Variants in LDB2 observed in about 807,000 individuals in gnomAD.
LDB2 encodes the protein LIM domain binding 2.
In LDB2, 12 loss-of-function variants were observed where a neutral mutation model predicts 44.3. That is an observed-to-expected ratio of 0.27 (90% CI 0.17 to 0.44). LDB2 has a LOEUF of 0.44. LDB2 is among the 20% of genes least tolerant of loss of function. LDB2 has a pLI of 1.00. For synonymous variants in LDB2, 164 were observed against 174.8 expected, an observed-to-expected ratio of 0.94 and a Z score of 0.49; for missense variants, 344 against 473.5, an observed-to-expected ratio of 0.73 and a Z score of 2.54.
intron 1 of LDB2, among the ~76,000 whole-genome samples, chr4:16,870,959 G>C (rs940162776): frequency 2.6e-4 from 40 of 152,266 alleles, no homozygotes; most frequent in African/African-American, 9.6e-4. Context: ...AACCCAAAAA[G>C]CCTATCTCTG....
At chr4:16,531,286 T>C (rs528817016) in intron 5 of LDB2, among the ~76,000 whole-genome samples, 3 of 152,366 alleles carry the variant, frequency 2.0e-5, no homozygotes, top group Admixed American at 2.0e-4. Flanking sequence ...CTCAGGCCAC[T>C]TTGGGCTGTC....
intron 2 of LDB2, among the ~76,000 whole-genome samples, chr4:16,667,867 C>CCATGG (rs1743718686): frequency 6.6e-6 from 1 of 152,180 alleles, no homozygotes; most frequent in Non-Finnish European, 1.5e-5. Context: ...TTATGGAAGG[C>CCATGG]CATGGCATGG....
intron 2 of LDB2, among the ~76,000 whole-genome samples, chr4:16,615,166 T>C (rs1726917784): frequency 6.6e-6 from 1 of 150,630 alleles, no homozygotes; most frequent in Non-Finnish European, 1.5e-5. Context: ...GGAGCGTAAA[T>C]TAGTTCAACC....
intron 1 of LDB2, among the ~76,000 whole-genome samples, chr4:16,763,090 C>G (rs1039098296): frequency 6.6e-6 from 1 of 151,184 alleles, no homozygotes; most frequent in East Asian, 2.0e-4. Context: ...CACACACACA[C>G]ACACACACAC....
intron 5 of LDB2, among the ~76,000 whole-genome samples, chr4:16,553,964 C>T (rs1487083212): frequency 6.6e-6 from 1 of 152,108 alleles, no homozygotes; most frequent in Admixed American, 6.5e-5. Context: ...GGATATGACA[C>T]CACCACTAGA....
At position 16,794,709 on chromosome 4, in the gene LDB2, T is replaced by C. The variant is rs184523255; in HGVS notation, c.133-35449A>G. Among the ~76,000 whole-genome samples, 6 of 152,350 alleles carry C rather than the reference T, an allele frequency of 3.9e-5. No individual in the cohort carries two copies. The East Asian group carries it at 1.2e-3, about 29-fold the overall frequency. On this transcript the variant is annotated intron_variant, in intron 1 of 7. Transcript: ENST00000304523. ...TTCAATGATGTTACCTATTATTAGG[T>C]TGATGCTTATGAACACTCAACCATT...
chr4:16,585,826 C>G, intron 5 of LDB2, 96 bp downstream of exon 5: 1 of 841,102 alleles, frequency 1.2e-6, no homozygotes, highest in East Asian at 2.5e-5. Flanking sequence ...GCTATATCAC[C>G]AGTACCTCAT....
Position 16,733,353 on chromosome 4 carries a change from G to GA in LDB2, c.235+25804dup, listed in dbSNP as rs75067360. On this transcript the variant is annotated intron_variant, in intron 2 of 7. Coordinates refer to ENST00000304523, the MANE Select transcript of LDB2 (RefSeq NM_001290.5). ...CAGATACCCAATGATTAAGAATTTG[G>GA]AAAAAAAAAAAAAGTTGGGGGGCTC... Among the ~76,000 whole-genome samples the GA allele has an allele frequency of 7.8e-3, 1,140 of 145,746 alleles. 13 individuals are homozygous for GA. Among genetic ancestry groups the GA allele is most frequent in the African/African-American group, 0.025 (966 of 39,408 alleles).
rs201798538 is a variant in LDB2, at chr4:16,754,286, GC to G, written c.235+4871del. On this transcript the variant is annotated intron_variant, in intron 2 of 7. Coordinates refer to ENST00000304523, the MANE Select transcript of LDB2 (RefSeq NM_001290.5). The stretch of plus-strand genomic sequence containing the variant: ...TCAGTCCTGCATTTCAGCAGGAACT[GC>G]CCATTAAAAAGGTCATATGGACTCC... 8.7e-3 allele frequency among the ~76,000 whole-genome samples: 1,319 copies of G among 152,256 alleles called. 10 individuals carry two copies. Among genetic ancestry groups the G allele is most frequent in the Non-Finnish European group, 0.015 (1,054 of 68,030 alleles).
chr4:16,767,564 G>A (rs941393148), intron 1 of LDB2, among the ~76,000 whole-genome samples: 14 of 152,160 alleles, frequency 9.2e-5, no homozygotes, highest in Non-Finnish European at 1.8e-4. Context: ...TTTAGTATCT[G>A]AACTGTGTGT....
chr4:16,730,584 C>T (rs1300559022), intron 2 of LDB2, among the ~76,000 whole-genome samples: 1 of 152,214 alleles, frequency 6.6e-6, no homozygotes, highest in East Asian at 1.9e-4. Flanking sequence ...CCCCCAATCT[C>T]TATAAGGTGG....
At chr4:16,760,405 C>T (rs1171748266) in intron 1 of LDB2, among the ~76,000 whole-genome samples, 6 of 152,276 alleles carry the variant, frequency 3.9e-5, no homozygotes, top group Admixed American at 2.0e-4. Context: ...AAGATTGATG[C>T]CGTCCTCTCC....
At chr4:16,515,940 C>T (rs1330463331) in intron 5 of LDB2, among the ~76,000 whole-genome samples, 1 of 151,844 alleles carries the variant, frequency 6.6e-6, no homozygotes, top group South Asian at 2.1e-4. Context: ...CTTGGCTCAC[C>T]GCAAGCTCTG....
At chr4:16,610,729 C>T (rs1212033780) in intron 2 of LDB2, among the ~76,000 whole-genome samples, 2 of 151,988 alleles carry the variant, frequency 1.3e-5, no homozygotes, top group Non-Finnish European at 2.9e-5. Context: ...AAGACCGAAC[C>T]TACGATTGAC....
At chr4:16,894,188 G>C (rs1334545553) in intron 1 of LDB2, among the ~76,000 whole-genome samples, 2 of 152,020 alleles carry the variant, frequency 1.3e-5, no homozygotes, top group Non-Finnish European at 2.9e-5. Context: ...CTATATAATT[G>C]TGCGGTTGTA....
chr4:16,604,083 C>T (rs1578147589), intron 2 of LDB2, among the ~76,000 whole-genome samples: 1 of 152,110 alleles, frequency 6.6e-6, no homozygotes, highest in African/African-American at 2.4e-5. Flanking sequence ...GAACTCCTGG[C>T]CTCAGTAGAT....
intron 6 of LDB2, 179 bp downstream of exon 6, chr4:16,511,802 A>T (rs777990076): frequency 6.4e-6 from 4 of 626,968 alleles, no homozygotes; most frequent in Non-Finnish European, 1.0e-5. Flanking sequence ...GATAATTCTT[A>T]AGGATGTTTG....
intron 2 of LDB2, among the ~76,000 whole-genome samples, chr4:16,643,574 T>G (rs1735818605): frequency 6.6e-6 from 1 of 152,184 alleles, no homozygotes; most frequent in Admixed American, 6.5e-5. Context: ...GGCAAATTAT[T>G]CTCAAAATAA....
intron 2 of LDB2, among the ~76,000 whole-genome samples, chr4:16,659,221 G>A (rs1740769603): frequency 6.6e-6 from 1 of 152,124 alleles, no homozygotes; most frequent in Admixed American, 6.5e-5. Flanking sequence ...GGCCTGAGAT[G>A]TACTTGGCAG....
Sources: gnomAD v4.1 joint callset for allele counts (sites outside exome capture counted in the v4.1 genomes callset) on GRCh38, gnomAD v4.1.1 for gene constraint, MANE v1.5 for transcripts, NCBI Gene and HGNC (gene_info 2026-07-23, HGNC 2026-07-21) for gene names.